The following DCP1B variants were observed in gnomAD, a reference collection of about 807,000 sequenced individuals.
The protein encoded by DCP1B is decapping mRNA 1B.
DCP1B carries 47 observed loss-of-function variants against 60.5 expected under a neutral mutation model. The observed-to-expected ratio is 0.78, with a 90% CI of 0.61 to 0.99. The LOEUF (loss-of-function observed/expected upper bound fraction) is 0.99. Among genes scored for constraint, DCP1B ranks in the 50% least tolerant of loss-of-function variants. DCP1B has a pLI of 0.00. For synonymous variants in DCP1B, 267 were observed against 280.3 expected, an observed-to-expected ratio of 0.95 and a Z score of 0.47; for missense variants, 725 against 756.8, an observed-to-expected ratio of 0.96 and a Z score of 0.49.
downstream of DCP1B, among the ~76,000 whole-genome samples, chr12:1,943,760 C>CA (rs2030336266): frequency 6.6e-6 from 1 of 152,180 alleles, no homozygotes; most frequent in Non-Finnish European, 1.5e-5. Context: ...TAAAAACTCT[C>CA]AATAAACTAG....
intron 3 of DCP1B, among the ~76,000 whole-genome samples, chr12:1,980,144 C>A (rs2035687221): frequency 6.6e-6 from 1 of 152,090 alleles, no homozygotes; most frequent in Admixed American, 6.5e-5. Flanking sequence ...GCATACATAT[C>A]CACCTAAAAA....
At chr12:1,970,005 G>A (rs765276295) in intron 3 of DCP1B, among the ~76,000 whole-genome samples, 37 of 152,140 alleles carry the variant, frequency 2.4e-4, no homozygotes, top group Non-Finnish European at 4.4e-4. Flanking sequence ...AAAAATGGCC[G>A]TTGTTGTCTC....
chr12:1,978,378 G>C (rs543384764), intron 3 of DCP1B, among the ~76,000 whole-genome samples: 1 of 152,200 alleles, frequency 6.6e-6, no homozygotes, highest in Non-Finnish European at 1.5e-5. Flanking sequence ...TAAAGAGTTA[G>C]TGTAATATTC....
intron 5 of DCP1B, among the ~76,000 whole-genome samples, chr12:1,964,831 T>C (rs2031239165): frequency 6.6e-6 from 1 of 152,246 alleles, no homozygotes; most frequent in Non-Finnish European, 1.5e-5. Flanking sequence ...GTTTGAAATG[T>C]TGACTTCAAT....
chr12:1,969,072 C>T (rs113870467), intron 3 of DCP1B, among the ~76,000 whole-genome samples: 4,291 of 152,066 alleles, frequency 0.028, 96 homozygotes, highest in Middle Eastern at 0.054. Context: ...AGCAATATTA[C>T]GATAGGGCAA....
At position 1,965,610 on chromosome 12, in the gene DCP1B, T is replaced by C; in HGVS notation, c.470A>G (p.Lys157Arg). Residue 157 changes from lysine (K) to arginine (R), a missense_variant, in exon 5 of 9, where the codon AAA (lysine) becomes AGA (arginine). Physicochemically the swap from Lys to Arg is conservative, Grantham distance 26. Coordinates refer to ENST00000280665, the MANE Select transcript of DCP1B (RefSeq NM_152640.5). ...GAGCATTCGTAAAATGTCTACTTCT[T>C]TGCCCTCTCCTGAATTGAGGATCAC... is the stretch of plus-strand genomic sequence containing the variant. ...SPVILNSGEGKEVDILRMLIK... is the reference protein window; with the variant it reads ...SPVILNSGEGREVDILRMLIK... 2 of 1,614,052 alleles carry C rather than the reference T, an allele frequency of 1.2e-6. No individual in the cohort carries two copies. Among genetic ancestry groups the C allele is most frequent in the African/African-American group, 2.7e-5 (2 of 75,032 alleles).
Position 1,946,246 on chromosome 12 carries a change from A to G in DCP1B, c.1814T>C (p.Leu605Pro). 1 of 1,608,866 alleles carries G rather than the reference A, an allele frequency of 6.2e-7. No homozygotes were observed. The highest frequency in any genetic ancestry group is 8.5e-7 in the Non-Finnish European group (1 of 1,178,102). ...NFLNIIYEAY[L>P]FSMTQAAMKK... ...CATGGCTGCTTGAGTCATGCTGAAGAGATAGGCTTCATAGATTATATTTAA... is the reference window on the plus strand; with the variant it reads ...CATGGCTGCTTGAGTCATGCTGAAGGGATAGGCTTCATAGATTATATTTAA... The change falls in exon 9 of 9, where the codon CTC becomes CCC. Residue 605 changes from leucine to proline, a missense_variant. Leu to Pro is a moderately conservative substitution (Grantham distance 98). Coordinates refer to ENST00000280665, the MANE Select transcript of DCP1B (RefSeq NM_152640.5).
Position 1,949,262 on chromosome 12 carries a change from G to T in DCP1B, c.1597C>A (p.Pro533Thr), listed in dbSNP as rs1194848446. The change falls in exon 8 of 9, where the codon CCC (proline) becomes ACC (threonine). Residue 533 changes from proline (P) to threonine (T), a missense_variant. Pro to Thr is a conservative substitution (Grantham distance 38, BLOSUM62 -1). Coordinates refer to ENST00000280665, the MANE Select transcript of DCP1B (RefSeq NM_152640.5). Reference sequence around the variant, plus strand: ...CTTTCCTTTGGCGGGACGGAGGTGGGTTGTGCGAACACCATGGGGGACATA... The same window carrying T: ...CTTTCCTTTGGCGGGACGGAGGTGGTTTGTGCGAACACCATGGGGGACATA... ...LLMSPMVFAQPTSVPPKERES... is the reference protein window; with the variant it reads ...LLMSPMVFAQTTSVPPKERES... 2 of 1,614,056 alleles carry T rather than the reference G, an allele frequency of 1.2e-6. No individual in the cohort carries two copies. Among genetic ancestry groups the T allele is most frequent in the Non-Finnish European group, 8.5e-7 (1 of 1,180,044 alleles).
intron 3 of DCP1B, among the ~76,000 whole-genome samples, chr12:1,986,223 G>A (rs2037733497): frequency 6.6e-6 from 1 of 152,114 alleles, no homozygotes; most frequent in Non-Finnish European, 1.5e-5. Flanking sequence ...TTATTTCCTG[G>A]GTTCTGTTAC....
intron 2 of DCP1B, among the ~76,000 whole-genome samples, chr12:1,994,750 T>C (rs984051134): frequency 6.6e-6 from 1 of 152,204 alleles, no homozygotes; most frequent in Non-Finnish European, 1.5e-5. Flanking sequence ...TATTTCATTA[T>C]CACAACAGGA....
intron 3 of DCP1B, among the ~76,000 whole-genome samples, chr12:1,978,559 T>G (rs563172270): frequency 3.9e-5 from 6 of 152,314 alleles, no homozygotes; most frequent in African/African-American, 1.4e-4. Flanking sequence ...TACAAGAAAA[T>G]GCACAGATCT....
intron 1 of DCP1B, among the ~76,000 whole-genome samples, chr12:2,000,694 A>T (rs947747966): frequency 1.3e-5 from 2 of 152,192 alleles, no homozygotes; most frequent in Non-Finnish European, 2.9e-5. Context: ...TTGCCAGATC[A>T]TGCTGGGCTA....
At chr12:1,943,221 C>G (rs966458224), downstream of DCP1B, among the ~76,000 whole-genome samples, 7 of 152,196 alleles carry the variant, frequency 4.6e-5, no homozygotes, top group African/African-American at 1.4e-4. Context: ...TTCCTTGACA[C>G]ATACACCCTC....
Position 1,953,087 on chromosome 12 carries a change from G to A in DCP1B, c.853C>T (p.Pro285Ser), listed in dbSNP as rs747506080. ...GCTGGACAGAGCTGCTTCTCAATGG[G>A]GGGTGAGTGTCTTCTGGGTTCCTCA... ...SYEEPRRHSP[P>S]IEKQLCPAIQ... The change falls in exon 7 of 9, where the codon CCC (proline) becomes TCC (serine). Residue 285 changes from proline to serine, a missense_variant. Pro to Ser is a moderately conservative substitution (Grantham distance 74). Coordinates refer to ENST00000280665, the MANE Select transcript of DCP1B (RefSeq NM_152640.5). 1 of 1,614,074 alleles carries A rather than the reference G, an allele frequency of 6.2e-7. No homozygotes were observed.
chr12:1,991,455 G>C (rs2039395917), intron 3 of DCP1B: 1 of 214,286 alleles, frequency 4.7e-6, no homozygotes, highest in African/African-American at 2.3e-5. Context: ...AAAGAAGCAA[G>C]TGAAATTAAT....
chr12:1,950,324 C>A (rs781535377), intron 7 of DCP1B: 1 of 702,230 alleles, frequency 1.4e-6, no homozygotes, highest in Non-Finnish European at 2.6e-6. Flanking sequence ...CTGAGCACAG[C>A]GTGGGCTGCT....
intron 3 of DCP1B, among the ~76,000 whole-genome samples, chr12:1,986,189 G>C (rs1033012958): frequency 6.6e-6 from 1 of 152,180 alleles, no homozygotes; most frequent in African/African-American, 2.4e-5. Flanking sequence ...GGTTTATATT[G>C]TAAGTTAATT....
downstream of DCP1B, among the ~76,000 whole-genome samples, chr12:1,941,648 A>G (rs1258498255): frequency 6.8e-6 from 1 of 147,980 alleles, no homozygotes; most frequent in East Asian, 1.9e-4. Flanking sequence ...TATCTTTGAC[A>G]CTGATGACCT....
At chr12:1,995,940 T>C (rs2040690910) in intron 2 of DCP1B, among the ~76,000 whole-genome samples, 1 of 152,184 alleles carries the variant, frequency 6.6e-6, no homozygotes, top group Non-Finnish European at 1.5e-5. Flanking sequence ...TTCCAAATCA[T>C]TACTTCAAAG....
Sources: allele counts gnomAD v4.1 joint callset (sites outside exome capture counted in the v4.1 genomes callset), GRCh38; gene constraint gnomAD v4.1.1; transcripts MANE v1.5; gene names NCBI Gene and HGNC (gene_info 2026-07-23, HGNC 2026-07-21).